The following CACNG6 variants were observed in gnomAD, a reference collection of about 807,000 sequenced individuals.
The protein encoded by CACNG6 is voltage-dependent calcium channel gamma-6 subunit.
In CACNG6, 21 loss-of-function variants were observed where a neutral mutation model predicts 23.9. The ratio of observed to expected loss-of-function variants is 0.88; its 90% CI spans 0.62 to 1.26. The LOEUF is 1.26. Ranked by LOEUF, CACNG6 falls within the 50% of genes most tolerant of loss-of-function variation. The pLI is 0.00. For synonymous variants in CACNG6, 182 were observed against 168.9 expected, an observed-to-expected ratio of 1.08 and a Z score of -0.60; for missense variants, 340 against 352.9, an observed-to-expected ratio of 0.96 and a Z score of 0.29.
chr19:54,007,288 G>A (rs1340457757), intron 3 of CACNG6, among the ~76,000 whole-genome samples: 2 of 152,062 alleles, frequency 1.3e-5, no homozygotes, highest in Non-Finnish European at 2.9e-5. Context: ...CGATCCGCTC[G>A]CCTTGGCCTC....
In CACNG6 at chr19:54,011,227, T is replaced by TATAC. The variant is rs1442985544; in HGVS notation, c.545-723_545-722insTACA. On this transcript the variant is annotated intron_variant, in intron 3 of 3. Coordinates refer to ENST00000252729, the MANE Select transcript of CACNG6 (RefSeq NM_145814.2). Reference sequence around the variant, plus strand: ...AAAAATATATATATATATATATATATACACACACACACACACACAAAAATT... The same window carrying TATAC: ...AAAAATATATATATATATATATATATATACACACACACACACACACACAAAAATT... 5.8e-4 allele frequency among the ~76,000 whole-genome samples: 55 copies of TATAC among 95,288 alleles called. 1 individual carries two copies. The highest frequency in any genetic ancestry group is 2.5e-3 in the African/African-American group (44 of 17,296). The allele number at this position is 95,288 out of a possible 152,430, so 62.5% of individuals were successfully genotyped here. A position where few individuals can be genotyped will look rare whatever the true frequency, so the allele number is the denominator to read the frequency against.
intron 3 of CACNG6, among the ~76,000 whole-genome samples, chr19:54,010,310 G>A (rs896780746): frequency 4.6e-5 from 7 of 151,920 alleles, no homozygotes; most frequent in East Asian, 1.9e-4. Context: ...CACTGTGCCC[G>A]GCCCAATTTT....
chr19:54,002,284 G>GTTTTTTTTTTTTTTTTTTTTTTTTTTT (rs139176353), intron 3 of CACNG6, among the ~76,000 whole-genome samples: 2 of 117,428 alleles, frequency 1.7e-5, no homozygotes, highest in East Asian at 2.6e-4. Context: ...TGTTTTTTTT[G>GTTTTTTTTTTTTTTTTTTTTTTTTTTT]TTTTTTTTTT....
intron 3 of CACNG6, among the ~76,000 whole-genome samples, chr19:54,006,119 T>TAAATAAATAAATAAAA (rs1334248469): frequency 9.0e-5 from 13 of 145,150 alleles, no homozygotes; most frequent in South Asian, 2.1e-4. Flanking sequence ...AATAAATAAA[T>TAAATAAATAAATAAAA]AAAATAAGAA....
intron 2 of CACNG6, 142 bp downstream of exon 2, chr19:53,998,455 G>A (rs2069543451): frequency 6.4e-6 from 4 of 627,872 alleles, no homozygotes; most frequent in African/African-American, 5.6e-5. Flanking sequence ...CCCCTGGGGA[G>A]TGCTGGCGGG....
chr19:54,010,573 A>C (rs1200735660), intron 3 of CACNG6, among the ~76,000 whole-genome samples: 1 of 151,812 alleles, frequency 6.6e-6, no homozygotes, highest in Non-Finnish European at 1.5e-5. Context: ...TTCAATTTTT[A>C]TTTATTTATA....
At chr19:53,997,035 A>AT (rs1406174443) in intron 1 of CACNG6, among the ~76,000 whole-genome samples, 2 of 150,946 alleles carry the variant, frequency 1.3e-5, no homozygotes, top group Non-Finnish European at 2.9e-5. Flanking sequence ...CACCCAGCTG[A>AT]TTTTTTGTAT....
At chr19:53,996,129 T>C (rs1042791055) in intron 1 of CACNG6, among the ~76,000 whole-genome samples, 3 of 152,218 alleles carry the variant, frequency 2.0e-5, no homozygotes, top group African/African-American at 7.2e-5. Flanking sequence ...TTGTTCAAAT[T>C]GAAAAGTTCA....
chr19:54,002,040 C>T (rs1472586001), intron 3 of CACNG6, among the ~76,000 whole-genome samples: 1 of 151,972 alleles, frequency 6.6e-6, no homozygotes, highest in African/African-American at 2.4e-5. Flanking sequence ...CTCCTTCTCT[C>T]CCCTTCCTTC....
At chr19:54,000,669 G>A (rs2069566279) in intron 3 of CACNG6, among the ~76,000 whole-genome samples, 2 of 151,058 alleles carry the variant, frequency 1.3e-5, no homozygotes, top group Middle Eastern at 3.5e-3. Flanking sequence ...ACCTCCGCCT[G>A]CTGGGTTCAA....
chr19:53,999,174 G>A (rs1307971896), intron 2 of CACNG6, among the ~76,000 whole-genome samples: 2 of 152,118 alleles, frequency 1.3e-5, no homozygotes, highest in African/African-American at 4.8e-5. Flanking sequence ...TCCACAGGAG[G>A]AAATTTAGGC....
intron 3 of CACNG6, among the ~76,000 whole-genome samples, chr19:54,003,501 C>G (rs933785058): frequency 6.6e-6 from 1 of 152,084 alleles, no homozygotes; most frequent in Non-Finnish European, 1.5e-5. Context: ...GCTGGGATTA[C>G]AGGTGCCTGC....
At position 53,992,606 on chromosome 19, in the gene CACNG6, T is replaced by G; in HGVS notation, c.-272T>G. 1 of 295,646 alleles carries G rather than the reference T, an allele frequency of 3.4e-6. No homozygotes were observed. Among genetic ancestry groups the G allele is most frequent in the Non-Finnish European group, 6.2e-6 (1 of 160,642 alleles). 18.3% of individuals were successfully genotyped at this position (295,646 alleles called of 1,614,324 possible). On this transcript the variant is annotated 5_prime_UTR_variant, in exon 1 of 4. Transcript: ENST00000252729. This position sits in a 1 kb window ranked among gnomAD's most constrained non-coding sequence, Gnocchi z 4.1. The stretch of plus-strand genomic sequence containing the variant: ...CCTTGTTTTTCCTCTGGGCCCCGTC[T>G]TCTTTGCCAAGTTCTTGAGGGCAAC...
chr19:53,994,466 T>A (rs2145952856), intron 1 of CACNG6, among the ~76,000 whole-genome samples: 1 of 152,214 alleles, frequency 6.6e-6, no homozygotes, highest in Non-Finnish European at 1.5e-5. Flanking sequence ...CCACGGCTTG[T>A]GCTTATACCA....
chr19:54,005,881 G>A (rs2145964285), intron 3 of CACNG6, among the ~76,000 whole-genome samples: 1 of 152,048 alleles, frequency 6.6e-6, no homozygotes, highest in South Asian at 2.1e-4. Flanking sequence ...CTTAAGGCCA[G>A]GAGTTTGAGA....
chr19:54,006,565 T>C (rs2145965320), intron 3 of CACNG6, among the ~76,000 whole-genome samples: 1 of 126,952 alleles, frequency 7.9e-6, no homozygotes, highest in East Asian at 2.6e-4. Context: ...AGTCTGGCTC[T>C]GTCACCCAGA....
chr19:54,001,533 C>A (rs1239520225), intron 3 of CACNG6, among the ~76,000 whole-genome samples: 2 of 152,134 alleles, frequency 1.3e-5, no homozygotes, highest in Non-Finnish European at 2.9e-5. Flanking sequence ...TCCTGTGCAC[C>A]CCCAGGGGTA....
intron 3 of CACNG6, among the ~76,000 whole-genome samples, chr19:54,005,332 A>G (rs2069631777): frequency 6.6e-6 from 1 of 150,800 alleles, no homozygotes; most frequent in Non-Finnish European, 1.5e-5. Context: ...AGGGCGAGGT[A>G]CGTGATCCCT....
rs372328829 is a variant in CACNG6 at position 53,992,853 on chromosome 19, C to G, written c.-25C>G. 3.1e-5 allele frequency: 43 copies of G among 1,366,666 alleles called. 1 individual carries two copies. The African/African-American group carries it at 3.3e-4, about 11-fold the overall frequency. The allele number at this position is 1,366,666 out of a possible 1,614,324, so 84.7% of individuals were successfully genotyped here. On this transcript the variant is annotated 5_prime_UTR_variant, in exon 1 of 4. Transcript: ENST00000252729. The surrounding 1 kb of genome is among the most constrained non-coding windows in gnomAD (Gnocchi z 4.1). ...CCCTTCGCCGGCTCTGCCTCCTCCC[C>G]CTTCCCGACCCCACCGGCCATAAGA... is the stretch of plus-strand genomic sequence containing the variant.
Sources: gnomAD v4.1 joint callset for allele counts (sites outside exome capture counted in the v4.1 genomes callset) on GRCh38, gnomAD v4.1.1 for gene constraint, Gnocchi (gnomAD v3.1) non-coding constraint, MANE v1.5 for transcripts, NCBI Gene and HGNC (gene_info 2026-07-23, HGNC 2026-07-21) for gene names.